The following RTN2 variants were observed in gnomAD, a reference collection of about 807,000 sequenced individuals.
The protein encoded by RTN2 is reticulon 2.
A neutral mutation model predicts 63.7 loss-of-function variants in RTN2; 36 were observed. That is an observed-to-expected ratio of 0.56 (90% CI 0.43 to 0.75). The LOEUF (loss-of-function observed/expected upper bound fraction) is 0.75, where lower values mean the gene tolerates loss of function less well. Ranked by LOEUF, RTN2 falls within the 30% of genes least tolerant of loss-of-function variation. The pLI is 0.00. For missense variants in RTN2, 673 were observed against 705.1 expected, an observed-to-expected ratio of 0.95 and a Z score of 0.52; for synonymous variants, 312 against 313.0, an observed-to-expected ratio of 1.00 and a Z score of 0.03.
At chr19:45,489,714 C>G (rs1469336485) in intron 5 of RTN2, among the ~76,000 whole-genome samples, 161 bp from the exon 6 acceptor site, 2 of 142,114 alleles carry the variant, frequency 1.4e-5, no homozygotes, top group African/African-American at 5.2e-5. Context: ...GGGTCTCACT[C>G]TGTCACCCAG....
chr19:45,493,348 AATG>A lies in RTN2; in HGVS notation c.842_844del (p.Ser281del). The A allele has an allele frequency of 1.2e-6, 2 of 1,609,528 alleles. No homozygotes were observed. The highest frequency in any genetic ancestry group is 1.7e-6 in the Non-Finnish European group (2 of 1,178,902). On this transcript the variant is annotated inframe_deletion, in exon 5 of 11. Transcript: ENST00000245923. ...AACCGTCTTGTAAACAGCCAAAAGC[AATG>A]ATGTCTTTAACCATTCCATAGCTGT...
intron 6 of RTN2, 149 bp from the exon 7 acceptor site, chr19:45,489,135 T>C: frequency 1.0e-6 from 1 of 964,814 alleles, no homozygotes; most frequent in South Asian, 1.6e-5. Context: ...TGTAGAGGGC[T>C]GGGGTCAGGG....
Position 45,496,794 on chromosome 19 carries a change from C to T in RTN2, c.32G>A (p.Cys11Tyr). The T allele has an allele frequency of 6.6e-7, 1 of 1,521,282 alleles. No homozygotes were observed. The highest frequency in any genetic ancestry group is 8.8e-7 in the Non-Finnish European group (1 of 1,130,128). 94.2% of individuals were successfully genotyped at this position (1,521,282 alleles called of 1,614,324 possible). Residue 11 changes from cysteine (C) to tyrosine (Y), a missense_variant and splice_region_variant, in exon 1 of 11, where the codon TGC becomes TAC. By Grantham distance (194) the Cys-to-Tyr change is radical. Transcript: ENST00000245923. ...GGCCCCAGTCTTCCTCTACTCACTG[C>T]AGTGGGCGAAGACCGGCAGGACCTG... MGQVLPVFAH[C>Y]KEAPSTASST...
chr19:45,491,348 G>A (rs867137349), intron 5 of RTN2, among the ~76,000 whole-genome samples: 31 of 143,848 alleles, frequency 2.2e-4, no homozygotes, highest in Middle Eastern at 3.6e-3. Flanking sequence ...GTGGCACCAC[G>A]ATATCGTGCT....
At position 45,488,946 on chromosome 19, in the gene RTN2, T is replaced by C. The variant is rs1256732954; in HGVS notation, c.1282A>G (p.Thr428Ala). The C allele has an allele frequency of 1.9e-6, 3 of 1,611,772 alleles. No individual in the cohort carries two copies. The highest frequency in any genetic ancestry group is 2.5e-6 in the Non-Finnish European group (3 of 1,179,170). The change falls in exon 7 of 11, where the codon ACG becomes GCG. Residue 428 changes from threonine (T) to alanine (A), a missense_variant. Transcript: ENST00000245923. ...DVDLTLTREQ[T>A]ERLSHQITSR... ...GTGATCTGGTGGGACAAACGTTCCG[T>C]CTGCTCCCGAGTCAGGGTGAGGTCC...
At chr19:45,495,776 T>C (rs899958350) in intron 1 of RTN2, among the ~76,000 whole-genome samples, 48 of 151,376 alleles carry the variant, frequency 3.2e-4, no homozygotes, top group African/African-American at 1.2e-3. Context: ...GGTGCGAAGA[T>C]ATGACTGGAG....
chr19:45,495,997 G>A (rs1968260737), intron 1 of RTN2, among the ~76,000 whole-genome samples: 2 of 152,226 alleles, frequency 1.3e-5, no homozygotes, highest in Non-Finnish European at 2.9e-5. Context: ...ATCTAAGGGT[G>A]TTGAAATCCC....
At chr19:45,489,097 G>A in intron 6 of RTN2, 111 bp from the exon 7 acceptor site, 1 of 1,249,386 alleles carries the variant, frequency 8.0e-7, no homozygotes, top group South Asian at 1.4e-5. Flanking sequence ...CCAGAGTTAG[G>A]ACTGAGGGGC....
chr19:45,493,989 C>A lies in RTN2; in HGVS notation c.814+177G>T, dbSNP rs942787228. Reference sequence around the variant, plus strand: ...ACAGGCATGAGCCACCGCGCCCGGCCGGGGAAATTTTTTTAAAAAGCGGAG... The same window carrying A: ...ACAGGCATGAGCCACCGCGCCCGGCAGGGGAAATTTTTTTAAAAAGCGGAG... On this transcript the variant is annotated intron_variant, in intron 4 of 10. Transcript: ENST00000245923. The A allele has an allele frequency of 6.6e-5, 70 of 1,066,440 alleles. No homozygotes were observed. The African/African-American group carries it at 9.7e-4, about 15-fold the overall frequency. The allele number at this position is 1,066,440 out of a possible 1,614,324, so 66.1% of individuals were successfully genotyped here. A position where few individuals can be genotyped will look rare whatever the true frequency, so the allele number is the denominator to read the frequency against.
rs1038744348 is a variant in RTN2 at position 45,485,442 on chromosome 19, T to G, written c.*266A>C. ...CGGCGGGTCCGGAAGTGCAGGGTGG[T>G]GCCCTGTCTAGGCAACTACAAGTCC... On this transcript the variant is annotated 3_prime_UTR_variant, in exon 11 of 11. Coordinates refer to ENST00000245923, the MANE Select transcript of RTN2 (RefSeq NM_005619.5). 6.0e-6 allele frequency: 3 copies of G among 499,548 alleles called. No homozygotes were observed. Among genetic ancestry groups the G allele is most frequent in the Non-Finnish European group, 7.2e-6 (2 of 275,944 alleles). 30.9% of individuals were successfully genotyped at this position (499,548 alleles called of 1,614,324 possible). A position where few individuals can be genotyped will look rare whatever the true frequency, so the allele number is the denominator to read the frequency against.
chr19:45,490,896 T>G (rs371059614), intron 5 of RTN2, among the ~76,000 whole-genome samples: 148 of 149,248 alleles, frequency 9.9e-4, no homozygotes, highest in African/African-American at 2.8e-3. Flanking sequence ...TTGTTTGTTT[T>G]TTTTTTTGAG....
intron 9 of RTN2, among the ~76,000 whole-genome samples, chr19:45,487,473 C>A (rs547454904): frequency 6.6e-6 from 1 of 151,914 alleles, no homozygotes; most frequent in South Asian, 2.1e-4. Context: ...TCAGTCCATC[C>A]GCCTGTCTCT....
At position 45,485,568 on chromosome 19, in the gene RTN2, C is replaced by A; in HGVS notation, c.*140G>T. ...GTCGCTCAGGTAATTAGCGCAGAGT[C>A]CCTAGTGGGAGTGATCCTGACACCC... On this transcript the variant is annotated 3_prime_UTR_variant, in exon 11 of 11. Coordinates refer to ENST00000245923, the MANE Select transcript of RTN2 (RefSeq NM_005619.5). 1.5e-6 allele frequency: 1 copy of A among 683,152 alleles called. No homozygotes were observed. The highest frequency in any genetic ancestry group is 2.6e-6 in the Non-Finnish European group (1 of 382,178). 42.3% of individuals were successfully genotyped at this position (683,152 alleles called of 1,614,324 possible). A position where few individuals can be genotyped will look rare whatever the true frequency, so the allele number is the denominator to read the frequency against.
In RTN2 at chr19:45,494,727, C is replaced by G. The variant is rs1358957519; in HGVS notation, c.358G>C (p.Glu120Gln). ...ESIPSLSQSPEPGRRGDPDTA... is the reference protein window; with the variant it reads ...ESIPSLSQSPQPGRRGDPDTA... Reference sequence around the variant, plus strand: ...TCAGGATCACCCCGTCGTCCAGGCTCCGGGGATTGGCTCAGGCTGGGGATG... The same window carrying G: ...TCAGGATCACCCCGTCGTCCAGGCTGCGGGGATTGGCTCAGGCTGGGGATG... The change falls in exon 3 of 11, where the codon GAG (glutamate) becomes CAG (glutamine). Residue 120 changes from glutamate to glutamine, a missense_variant. By Grantham distance (29) the Glu-to-Gln change is conservative (BLOSUM62 2). Coordinates refer to ENST00000245923, the MANE Select transcript of RTN2 (RefSeq NM_005619.5). The surrounding 1 kb of genome is among the most constrained non-coding windows in gnomAD (Gnocchi z 5.3). 2.5e-6 allele frequency: 4 copies of G among 1,612,284 alleles called. No individual in the cohort carries two copies. Among genetic ancestry groups the G allele is most frequent in the Non-Finnish European group, 3.4e-6 (4 of 1,179,984 alleles).
chr19:45,492,323 G>A (rs1968177589), intron 5 of RTN2, among the ~76,000 whole-genome samples: 1 of 152,084 alleles, frequency 6.6e-6, no homozygotes, highest in African/African-American at 2.4e-5. Context: ...GGAGGCCGAG[G>A]CGGGAGGATC....
chr19:45,494,014 G>A lies in RTN2; in HGVS notation c.814+152C>T, dbSNP rs1968216793. The stretch of plus-strand genomic sequence containing the variant: ...CGGGGAAATTTTTTTAAAAAGCGGA[G>A]TTTATCACGTCTAGCCAGATGTGAT... On this transcript the variant is annotated intron_variant, in intron 4 of 10. Transcript: ENST00000245923. This position sits in a 1 kb window ranked among gnomAD's most constrained non-coding sequence, Gnocchi z 5.3. 8 of 1,273,598 alleles carry A rather than the reference G, an allele frequency of 6.3e-6. 1 individual carries two copies. Among genetic ancestry groups the A allele is most frequent in the Non-Finnish European group, 8.6e-6 (8 of 930,362 alleles). The allele number at this position is 1,273,598 out of a possible 1,614,324, so 78.9% of individuals were successfully genotyped here. A position where few individuals can be genotyped will look rare whatever the true frequency, so the allele number is the denominator to read the frequency against.
At position 45,496,735 on chromosome 19, in the gene RTN2, G is replaced by T; in HGVS notation, c.34+57C>A. On this transcript the variant is annotated intron_variant, in intron 1 of 10. Coordinates refer to ENST00000245923, the MANE Select transcript of RTN2 (RefSeq NM_005619.5). ...GGGCAAGCGCCGAGGGGACACCGGG[G>T]AGTACCCCACCTGAACCTCTGGGGC... is the stretch of plus-strand genomic sequence containing the variant. 3.2e-6 allele frequency: 4 copies of T among 1,249,698 alleles called. No homozygotes were observed. The South Asian group carries it at 6.6e-5, about 21-fold the overall frequency. 77.4% of individuals were successfully genotyped at this position (1,249,698 alleles called of 1,614,324 possible). A position where few individuals can be genotyped will look rare whatever the true frequency, so the allele number is the denominator to read the frequency against.
At position 45,496,798 on chromosome 19, in the gene RTN2, G is replaced by T; in HGVS notation, c.28C>A (p.His10Asn). The change falls in exon 1 of 11, where the codon CAC (histidine) becomes AAC (asparagine). Residue 10 changes from histidine (H) to asparagine (N), a missense_variant. Coordinates refer to ENST00000245923, the MANE Select transcript of RTN2 (RefSeq NM_005619.5). ...CCAGTCTTCCTCTACTCACTGCAGT[G>T]GGCGAAGACCGGCAGGACCTGCCCC... is the stretch of plus-strand genomic sequence containing the variant. The part of the protein sequence containing the change: MGQVLPVFA[H>N]CKEAPSTASS... The T allele has an allele frequency of 6.6e-7, 1 of 1,521,366 alleles. No homozygotes were observed. The highest frequency in any genetic ancestry group is 8.8e-7 in the Non-Finnish European group (1 of 1,130,356). 94.2% of individuals were successfully genotyped at this position (1,521,366 alleles called of 1,614,324 possible).
chr19:45,494,280 G>A lies in RTN2; in HGVS notation c.700C>T (p.Pro234Ser), dbSNP rs1284688702. The A allele has an allele frequency of 6.2e-7, 1 of 1,613,930 alleles. No homozygotes were observed. The highest frequency in any genetic ancestry group is 1.7e-5 in the Admixed American group (1 of 60,008). The change falls in exon 4 of 11, where the codon CCA (proline) becomes TCA (serine). Residue 234 changes from proline (P) to serine (S), a missense_variant. Coordinates refer to ENST00000245923, the MANE Select transcript of RTN2 (RefSeq NM_005619.5). The surrounding 1 kb of genome is among the most constrained non-coding windows in gnomAD (Gnocchi z 5.3). ...SRDSNSGPEE[P>S]LLEEEEKQWG... is the part of the protein sequence containing the mutation. ...TGCTTTTCTTCCTCTTCCAGCAATG[G>A]CTCTTCGGGCCCAGAGTTCGAATCT...
Sources: allele counts gnomAD v4.1 joint callset (sites outside exome capture counted in the v4.1 genomes callset), GRCh38; gene constraint gnomAD v4.1.1; non-coding constraint Gnocchi (gnomAD v3.1); transcripts MANE v1.5; gene names NCBI Gene and HGNC (gene_info 2026-07-23, HGNC 2026-07-21).